HECTD2: variants seen among roughly 807,000 people sequenced by gnomAD.
The protein encoded by HECTD2 is HECT domain E3 ubiquitin protein ligase 2.
HECTD2 carries 35 observed loss-of-function variants against 103.2 expected under a neutral mutation model. That is an observed-to-expected ratio of 0.34 (90% confidence interval 0.26 to 0.45). The LOEUF (loss-of-function observed/expected upper bound fraction) is 0.45, where lower values mean the gene tolerates loss of function less well. Ranked by LOEUF, HECTD2 falls within the 20% of genes least tolerant of loss-of-function variation. HECTD2 has a pLI of 1.00. For missense variants in HECTD2, 596 were observed against 937.4 expected, an observed-to-expected ratio of 0.64 and a Z score of 4.76; for synonymous variants, 281 against 329.9, an observed-to-expected ratio of 0.85 and a Z score of 1.61.
chr10:91,418,951 C>T (rs1325191457), intron 1 of HECTD2, among the ~76,000 whole-genome samples: 1 of 152,174 alleles, frequency 6.6e-6, no homozygotes, highest in African/African-American at 2.4e-5. Flanking sequence ...TTTTTATATG[C>T]ATCACAGATT....
intron 2 of HECTD2, among the ~76,000 whole-genome samples, chr10:91,443,490 G>T (rs1844453375): frequency 6.6e-6 from 1 of 151,618 alleles, no homozygotes; most frequent in African/African-American, 2.4e-5. Flanking sequence ...ATGCCAGCTG[G>T]AGCTCCCCTG....
At chr10:91,496,564 G>C (rs1202600590) in intron 15 of HECTD2, among the ~76,000 whole-genome samples, 192 bp downstream of exon 15, 8 of 152,078 alleles carry the variant, frequency 5.3e-5, no homozygotes, top group African/African-American at 1.7e-4. Flanking sequence ...GTGCTCCTAA[G>C]CTTTTACAAG....
At chr10:91,505,238 C>T (rs1439755262) in intron 20 of HECTD2, among the ~76,000 whole-genome samples, 4 of 151,614 alleles carry the variant, frequency 2.6e-5, no homozygotes, top group Admixed American at 2.0e-4. Flanking sequence ...AACCAGCTAA[C>T]ATCATAATGA....
chr10:91,481,045 A>G lies in HECTD2; in HGVS notation c.666-49A>G, dbSNP rs376526901. ...TTATTGGTCTTTTTCGTTAGATGCT[A>G]TGAGATTAAACATTCATCCATAATA... On this transcript the variant is annotated intron_variant, in intron 6 of 20. Coordinates refer to ENST00000298068, the MANE Select transcript of HECTD2 (RefSeq NM_182765.6). The G allele has an allele frequency of 3.5e-6, 4 of 1,145,072 alleles. No individual in the cohort carries two copies. The African/African-American group carries it at 6.4e-5, about 18-fold the overall frequency. The allele number at this position is 1,145,072 out of a possible 1,614,324, so 70.9% of individuals were successfully genotyped here.
At chr10:91,501,869 T>TATC (rs2133354521) in intron 20 of HECTD2, among the ~76,000 whole-genome samples, 1 of 152,174 alleles carries the variant, frequency 6.6e-6, no homozygotes, top group South Asian at 2.1e-4. Flanking sequence ...CATTAATGCT[T>TATC]ATCAACTTAC....
intron 2 of HECTD2, among the ~76,000 whole-genome samples, chr10:91,449,675 A>G (rs949080970): frequency 1.3e-5 from 2 of 152,246 alleles, no homozygotes; most frequent in African/African-American, 4.8e-5. Flanking sequence ...TTAAGCTGAT[A>G]AGCAACTTCA....
At chr10:91,433,409 TTGGTGGGTAACTA>T (rs1843979399) in intron 2 of HECTD2, among the ~76,000 whole-genome samples, 1 of 152,000 alleles carries the variant, frequency 6.6e-6, no homozygotes, top group Non-Finnish European at 1.5e-5. Flanking sequence ...TTTTCCACCT[TTGGTGGGTAACTA>T]TGTATGCATT....
intron 5 of HECTD2, among the ~76,000 whole-genome samples, chr10:91,468,031 C>A (rs141702891): frequency 2.6e-5 from 4 of 152,334 alleles, no homozygotes; most frequent in Admixed American, 2.0e-4. Context: ...CCTACTAGTA[C>A]CTTGCCCCAG....
At chr10:91,450,777 A>G (rs1166590718) in intron 2 of HECTD2, among the ~76,000 whole-genome samples, 6 of 152,200 alleles carry the variant, frequency 3.9e-5, no homozygotes, top group Non-Finnish European at 8.8e-5. Context: ...AAGGCTCATC[A>G]TCACTGGTCA....
intron 5 of HECTD2, among the ~76,000 whole-genome samples, chr10:91,463,943 C>A (rs1845443263): frequency 1.3e-5 from 2 of 152,138 alleles, no homozygotes; most frequent in African/African-American, 4.8e-5. Context: ...CCTAGGTACA[C>A]TTCTCTGAAC....
chr10:91,509,285 A>T (rs1322472359), intron 20 of HECTD2, among the ~76,000 whole-genome samples: 1 of 152,054 alleles, frequency 6.6e-6, no homozygotes, highest in African/African-American at 2.4e-5. Flanking sequence ...TAAAAAAAAT[A>T]AATTTAAAAA....
intron 2 of HECTD2, among the ~76,000 whole-genome samples, chr10:91,438,180 C>G (rs886436034): frequency 6.6e-6 from 1 of 151,936 alleles, no homozygotes; most frequent in African/African-American, 2.4e-5. Context: ...TTGCCTGCAC[C>G]CATCAACCCG....
Position 91,492,421 on chromosome 10 carries a change from A to G in HECTD2, c.1369A>G (p.Met457Val). The change falls in exon 13 of 21, where the codon ATG becomes GTG. Residue 457 changes from methionine (M) to valine (V), a missense_variant. Met to Val is a conservative substitution (Grantham distance 21). Around this residue, in one of 4 missense-constraint regions of HECTD2, gnomAD observed 303 missense variants for 522.5 expected, o/e 0.58. Coordinates refer to ENST00000298068, the MANE Select transcript of HECTD2 (RefSeq NM_182765.6). ...VTFVGEAGLD[M>V]GGLTKEWFLL... Reference sequence around the variant, plus strand: ...ATTTGTAGGGGAAGCTGGTTTGGATATGGGTGGTTTGACTAAAGAATGGTT... The same window carrying G: ...ATTTGTAGGGGAAGCTGGTTTGGATGTGGGTGGTTTGACTAAAGAATGGTT... The G allele has an allele frequency of 1.2e-6, 2 of 1,613,268 alleles. No individual in the cohort carries two copies. Among genetic ancestry groups the G allele is most frequent in the Non-Finnish European group, 1.7e-6 (2 of 1,179,322 alleles).
chr10:91,413,104 G>A (rs1842989629), intron 1 of HECTD2, among the ~76,000 whole-genome samples: 1 of 151,998 alleles, frequency 6.6e-6, no homozygotes, highest in South Asian at 2.1e-4. Context: ...CCCTACAATA[G>A]TGGCTTTTTC....
intron 2 of HECTD2, among the ~76,000 whole-genome samples, chr10:91,429,442 C>T (rs1843735238): frequency 6.6e-6 from 1 of 151,954 alleles, no homozygotes; most frequent in African/African-American, 2.4e-5. Context: ...GGAATAGTTT[C>T]AGAAGGAATG....
intron 20 of HECTD2, among the ~76,000 whole-genome samples, chr10:91,506,552 CA>C (rs1252454310): frequency 1.3e-5 from 2 of 152,136 alleles, no homozygotes; most frequent in Non-Finnish European, 2.9e-5. Context: ...TTGATACATA[CA>C]CTCTCCCAAG....
rs114999855 is a variant in HECTD2 at position 91,415,664 on chromosome 10, C to T, written c.138+5088C>T. ...TGTTCTTTGCCCAATTCTGAACACT[C>T]GACATTTGCGGTCATAGGTAATAGG... On this transcript the variant is annotated intron_variant, in intron 1 of 20. Transcript: ENST00000298068. Among the ~76,000 whole-genome samples, 1,283 of 152,182 alleles carry T rather than the reference C, an allele frequency of 8.4e-3. 17 individuals are homozygous for T. The highest frequency in any genetic ancestry group is 0.028 in the African/African-American group (1,176 of 41,526).
At chr10:91,434,664 C>T (rs1844040472) in intron 2 of HECTD2, among the ~76,000 whole-genome samples, 1 of 151,860 alleles carries the variant, frequency 6.6e-6, no homozygotes, top group African/African-American at 2.4e-5. Context: ...ATGGCTCCTA[C>T]ACCCATGTGA....
At chr10:91,427,212 G>A (rs925801190) in intron 2 of HECTD2, among the ~76,000 whole-genome samples, 3 of 151,648 alleles carry the variant, frequency 2.0e-5, no homozygotes, top group Non-Finnish European at 2.9e-5. Flanking sequence ...AGTATTCCAC[G>A]GTGTATATAT....
Sources: allele counts gnomAD v4.1 joint callset (sites outside exome capture counted in the v4.1 genomes callset), GRCh38; gene constraint gnomAD v4.1.1; regional missense constraint gnomAD v4.1.1; transcripts MANE v1.5; gene names NCBI Gene and HGNC (gene_info 2026-07-23, HGNC 2026-07-21).